HTRA1: variants seen among roughly 807,000 people sequenced by gnomAD.
HTRA1 encodes the protein serine protease HTRA1.
Under a neutral mutation model 49.7 loss-of-function variants are expected in HTRA1, and 26 were observed. The observed-to-expected ratio is 0.52, with a 90% CI of 0.38 to 0.73. HTRA1 has a LOEUF of 0.73. HTRA1 is among the 30% of genes least tolerant of loss of function. The pLI is 0.00. For synonymous variants in HTRA1, 291 were observed against 286.9 expected (o/e 1.01, Z -0.14); for missense variants, 561 against 667.2 (o/e 0.84, Z 1.75).
chr10:122,510,126 G>T lies in HTRA1; in HGVS notation c.1151G>T (p.Gly384Val). The T allele has an allele frequency of 6.2e-7, 1 of 1,614,122 alleles. No individual in the cohort carries two copies. The highest frequency in any genetic ancestry group is 8.5e-7 in the Non-Finnish European group (1 of 1,179,966). The change falls in exon 7 of 9, where the codon GGT becomes GTT. Residue 384 changes from glycine (G) to valine (V), a missense_variant. Transcript: ENST00000368984. The stretch of plus-strand genomic sequence containing the variant: ...GCCATCACCAAGAAGAAGTATATTG[G>T]TATCCGAATGATGTCACTCACGTCC... ...GKAITKKKYIGIRMMSLTSSK... is the reference protein window; with the variant it reads ...GKAITKKKYIVIRMMSLTSSK...
chr10:122,502,578 T>A (rs947752838), intron 3 of HTRA1, among the ~76,000 whole-genome samples: 16 of 152,328 alleles, frequency 1.1e-4, no homozygotes, highest in African/African-American at 3.4e-4. Context: ...GTTGAGAGAC[T>A]TCTGGCTCTG....
intron 1 of HTRA1, among the ~76,000 whole-genome samples, chr10:122,480,020 C>T (rs1013936473): frequency 3.3e-5 from 5 of 152,018 alleles, no homozygotes; most frequent in Non-Finnish European, 7.4e-5. Flanking sequence ...ACGCAGGTGA[C>T]CTTGGCCTTG....
At chr10:122,468,352 C>G (rs955918328) in intron 1 of HTRA1, among the ~76,000 whole-genome samples, 22 of 152,170 alleles carry the variant, frequency 1.4e-4, no homozygotes, top group African/African-American at 5.3e-4. Context: ...ACGCAAAGCA[C>G]TGTGCCTGAT....
At chr10:122,500,343 C>T (rs1267542816) in intron 3 of HTRA1, among the ~76,000 whole-genome samples, 2 of 152,244 alleles carry the variant, frequency 1.3e-5, no homozygotes, top group Non-Finnish European at 2.9e-5. Context: ...TTGGATCTTA[C>T]TTACATTTAA....
intron 3 of HTRA1, among the ~76,000 whole-genome samples, chr10:122,505,000 C>T (rs949587363): frequency 1.3e-5 from 2 of 152,234 alleles, no homozygotes; most frequent in African/African-American, 4.8e-5. Flanking sequence ...TTTGGTGGTT[C>T]CCGCTGTTGG....
At chr10:122,512,169 T>C (rs1043917101) in intron 8 of HTRA1, 104 bp downstream of exon 8, 5 of 888,628 alleles carry the variant, frequency 5.6e-6, no homozygotes, top group African/African-American at 4.9e-5. Flanking sequence ...GATGATTATG[T>C]TGATCCTTGA....
chr10:122,467,670 C>T (rs556721090), intron 1 of HTRA1, among the ~76,000 whole-genome samples: 7 of 152,038 alleles, frequency 4.6e-5, no homozygotes, highest in Non-Finnish European at 1.0e-4. Context: ...TTCCACGAGA[C>T]TCATACCCCT....
Position 122,510,130 on chromosome 10 carries a change from C to G in HTRA1, c.1155C>G (p.Ile385Met), listed in dbSNP as rs1348817380. 1 of 1,614,018 alleles carries G rather than the reference C, an allele frequency of 6.2e-7. No individual in the cohort carries two copies. Among genetic ancestry groups the G allele is most frequent in the Admixed American group, 1.7e-5 (1 of 60,032 alleles). ...KAITKKKYIG[I>M]RMMSLTSSKA... Reference sequence around the variant, plus strand: ...TCACCAAGAAGAAGTATATTGGTATCCGAATGATGTCACTCACGTCCAGGT... The same window carrying G: ...TCACCAAGAAGAAGTATATTGGTATGCGAATGATGTCACTCACGTCCAGGT... Residue 385 changes from isoleucine to methionine, a missense_variant, in exon 7 of 9, where the codon ATC becomes ATG. Ile to Met is a conservative substitution (Grantham distance 10). This residue lies in a region of HTRA1 where 179 missense variants were observed against 173.4 expected (regional missense o/e 1.03). Coordinates refer to ENST00000368984, the MANE Select transcript of HTRA1 (RefSeq NM_002775.5).
Position 122,494,294 on chromosome 10 carries a change from C to T in HTRA1, c.777+4668C>T, listed in dbSNP as rs1480960451. On this transcript the variant is annotated intron_variant, in intron 3 of 8. Coordinates refer to ENST00000368984, the MANE Select transcript of HTRA1 (RefSeq NM_002775.5). The surrounding 1 kb of genome is among the most constrained non-coding windows in gnomAD (Gnocchi z 4.0). ...AACCTTGTTCAGAGTAGGACGTTCA[C>T]AGCTGTCTGCCCCGGAGGAAGCAAG... is the stretch of plus-strand genomic sequence containing the variant. Among the ~76,000 whole-genome samples the T allele has an allele frequency of 6.6e-6, 1 of 152,146 alleles. No homozygotes were observed. The highest frequency in any genetic ancestry group is 1.5e-5 in the Non-Finnish European group (1 of 68,024).
intron 3 of HTRA1, among the ~76,000 whole-genome samples, chr10:122,497,455 G>A (rs990702636): frequency 2.6e-5 from 4 of 152,190 alleles, no homozygotes; most frequent in Non-Finnish European, 5.9e-5. Context: ...ATGTGGTTAT[G>A]GGTAATGAGG....
chr10:122,461,706 G>T lies in HTRA1; in HGVS notation c.54G>T (p.Ala18=). ...LLPLLLLLLA[A]PASAQLSRAG... ...CGCTGCTGCTGCTGCTGCTGGCGGC[G>T]CCCGCCTCGGCGCAGCTGTCCCGGG... is the stretch of plus-strand genomic sequence containing the variant. Residue 18 remains alanine, a synonymous_variant, in exon 1 of 9, where the codon GCG becomes GCT. Transcript: ENST00000368984. 7.7e-7 allele frequency: 1 copy of T among 1,290,778 alleles called. No homozygotes were observed. The highest frequency in any genetic ancestry group is 1.0e-6 in the Non-Finnish European group (1 of 1,003,112). 80.0% of individuals were successfully genotyped at this position (1,290,778 alleles called of 1,614,324 possible). A position where few individuals can be genotyped will look rare whatever the true frequency, so the allele number is the denominator to read the frequency against.
chr10:122,510,228 C>T, intron 7 of HTRA1, 75 bp downstream of exon 7: 2 of 1,220,330 alleles, frequency 1.6e-6, no homozygotes, highest in Admixed American at 3.4e-5. Flanking sequence ...ACGGGCACCC[C>T]TGAAAGAGAA....
intron 1 of HTRA1, among the ~76,000 whole-genome samples, chr10:122,468,130 C>T (rs968847735): frequency 8.5e-5 from 13 of 152,072 alleles, no homozygotes; most frequent in African/African-American, 3.1e-4. Flanking sequence ...GGCTGGTGGC[C>T]CCTGATCTCA....
rs1489538752 is a variant in HTRA1, at chr10:122,483,725, C to T, written c.473-5177C>T. Among the ~76,000 whole-genome samples the T allele has an allele frequency of 2.6e-5, 4 of 152,146 alleles. No homozygotes were observed. The East Asian group carries it at 7.7e-4, about 29-fold the overall frequency. ...TGATCTACAAGTGTGGTATTTCTCT[C>T]CATTTATTTAGGTCTTCTTTATTTT... On this transcript the variant is annotated intron_variant, in intron 1 of 8. Transcript: ENST00000368984.
chr10:122,493,316 G>A (rs1275611571), intron 3 of HTRA1, among the ~76,000 whole-genome samples: 1 of 152,208 alleles, frequency 6.6e-6, no homozygotes, highest in African/African-American at 2.4e-5. Flanking sequence ...AGCCTGCCTG[G>A]GGAGGGAATC....
Position 122,514,448 on chromosome 10 carries a change from C to T in HTRA1, c.*89C>T. ...CTCTGGGCTGCTGGAATAGGACACT[C>T]AAGACTTTTGACTGCCATTTTGTTT... On this transcript the variant is annotated 3_prime_UTR_variant, in exon 9 of 9. Coordinates refer to ENST00000368984, the MANE Select transcript of HTRA1 (RefSeq NM_002775.5). 8.9e-6 allele frequency: 12 copies of T among 1,341,876 alleles called. No homozygotes were observed. The South Asian group carries it at 9.5e-5, about 11-fold the overall frequency. 83.1% of individuals were successfully genotyped at this position (1,341,876 alleles called of 1,614,324 possible).
At chr10:122,504,940 G>A (rs951135325) in intron 3 of HTRA1, among the ~76,000 whole-genome samples, 1 of 152,248 alleles carries the variant, frequency 6.6e-6, no homozygotes, top group African/African-American at 2.4e-5. Context: ...CCCACTGTCA[G>A]GGCAGACCTT....
At position 122,464,430 on chromosome 10, in the gene HTRA1, T is replaced by TA. The variant is rs1243408161; in HGVS notation, c.472+2307dup. On this transcript the variant is annotated intron_variant, in intron 1 of 8. Coordinates refer to ENST00000368984, the MANE Select transcript of HTRA1 (RefSeq NM_002775.5). The surrounding 1 kb of genome is among the most constrained non-coding windows in gnomAD (Gnocchi z 4.8). The stretch of plus-strand genomic sequence containing the variant: ...GACAGAGTGGGTACAATGCTTTTCT[T>TA]ATCCCTCCCTCCTTCTTTTGCAAAT... 2.0e-5 allele frequency among the ~76,000 whole-genome samples: 3 copies of TA among 152,190 alleles called. No homozygotes were observed. The highest frequency in any genetic ancestry group is 4.4e-5 in the Non-Finnish European group (3 of 68,034).
rs1287521208 is a variant in HTRA1 at position 122,496,225 on chromosome 10, G to GTTTTTTTTTTTTTTTTTTTTTTTTT, written c.777+6601_777+6602insTTTTTTTTTTTTTTTTTTTTTTTTT. 6.2e-4 allele frequency among the ~76,000 whole-genome samples: 50 copies of GTTTTTTTTTTTTTTTTTTTTTTTTT among 80,406 alleles called. 14 individuals are homozygous for GTTTTTTTTTTTTTTTTTTTTTTTTT. Among genetic ancestry groups the GTTTTTTTTTTTTTTTTTTTTTTTTT allele is most frequent in the African/African-American group, 1.0e-3 (20 of 19,658 alleles). 52.7% of individuals were successfully genotyped at this position (80,406 alleles called of 152,430 possible). A position where few individuals can be genotyped will look rare whatever the true frequency, so the allele number is the denominator to read the frequency against. ...CCCTTTCGTTTGCCAGAGATTGTGG[G>GTTTTTTTTTTTTTTTTTTTTTTTTT]TTCTTTTTTTTTTTTTTTTTTTTTT... On this transcript the variant is annotated intron_variant, in intron 3 of 8. Transcript: ENST00000368984.
Sources: allele counts gnomAD v4.1 joint callset (sites outside exome capture counted in the v4.1 genomes callset), GRCh38; gene constraint gnomAD v4.1.1; regional missense constraint gnomAD v4.1.1; non-coding constraint Gnocchi (gnomAD v3.1); transcripts MANE v1.5; gene names NCBI Gene and HGNC (gene_info 2026-07-23, HGNC 2026-07-21).